The following NTN1 variants were observed in gnomAD, a reference collection of about 807,000 sequenced individuals.
The protein encoded by NTN1 is netrin-1.
NTN1 carries 11 observed loss-of-function variants against 54.2 expected under a neutral mutation model. The ratio of observed to expected loss-of-function variants is 0.20; its 90% confidence interval spans 0.13 to 0.34. The LOEUF (loss-of-function observed/expected upper bound fraction) is 0.34, where lower values mean the gene tolerates loss of function less well. NTN1 is among the 10% of genes least tolerant of loss of function. The probability of loss-of-function intolerance (pLI) is 1.00; values close to 1 mark genes in which losing one functional copy is unlikely to be tolerated. For missense variants in NTN1, 740 were observed against 893.1 expected (o/e 0.83, Z 2.18); for synonymous variants, 371 against 382.0 (o/e 0.97, Z 0.33).
At position 9,182,974 on chromosome 17, in the gene NTN1, ACGG is replaced by A. The variant is rs1245859155; in HGVS notation, c.1411+7_1411+9del. 7.5e-6 allele frequency: 12 copies of A among 1,601,822 alleles called. No homozygotes were observed. The Admixed American group carries it at 1.9e-4, about 25-fold the overall frequency. On this transcript the variant is annotated splice_donor_region_variant and intron_variant, in intron 5 of 6. Transcript: ENST00000173229. ...GCAGCGTGGAGGAGCCTGAAGGTAA[ACGG>A]CCCCCTTCGCTTCTCATTTCCCGCT...
In NTN1 at chr17:9,143,521, T is replaced by C. The variant is rs942729439; in HGVS notation, c.1019-19292T>C. On this transcript the variant is annotated intron_variant, in intron 2 of 6. Transcript: ENST00000173229. ...ATTGCCTGCTCTGTCTTCTACCTCA[T>C]GGTCAAACTGTGGCTCTCTCTCCTG... Among the ~76,000 whole-genome samples the C allele has an allele frequency of 3.3e-5, 5 of 152,214 alleles. No homozygotes were observed. In the East Asian group the frequency reaches 5.8e-4, roughly 18 times the overall value.
chr17:9,020,256 A>G (rs1186575085), upstream of NTN1, among the ~76,000 whole-genome samples: 1 of 152,258 alleles, frequency 6.6e-6, no homozygotes, highest in African/African-American at 2.4e-5. Context: ...ATCCGGGTCT[A>G]TTACTGGACC....
chr17:9,198,174 G>A (rs1381176273), intron 5 of NTN1, among the ~76,000 whole-genome samples: 1 of 152,206 alleles, frequency 6.6e-6, no homozygotes, highest in Non-Finnish European at 1.5e-5. Flanking sequence ...AGGGAAGCAC[G>A]AGAGTGCAGG....
intron 2 of NTN1, among the ~76,000 whole-genome samples, chr17:9,119,167 T>C (rs931441697): frequency 6.6e-6 from 1 of 152,132 alleles, no homozygotes; most frequent in Non-Finnish European, 1.5e-5. Context: ...TTTGTCTTTT[T>C]AAAAATGTAT....
intron 2 of NTN1, among the ~76,000 whole-genome samples, chr17:9,054,245 A>G (rs766839834): frequency 6.6e-6 from 1 of 152,210 alleles, no homozygotes; most frequent in Non-Finnish European, 1.5e-5. Flanking sequence ...GTGATTATCT[A>G]GAACAATGTG....
In NTN1 at chr17:9,239,315, A is replaced by G. The variant is rs1044626963; in HGVS notation, c.1487-325A>G. ...TCTCACCCGAGCGCCTGCCCTGGGC[A>G]GACAGCTTGCCCAGAGTGCTGGGGG... On this transcript the variant is annotated intron_variant, in intron 6 of 6. Transcript: ENST00000173229. The surrounding 1 kb of genome is among the most constrained non-coding windows in gnomAD (Gnocchi z 5.2). 3.9e-5 allele frequency among the ~76,000 whole-genome samples: 6 copies of G among 152,178 alleles called. No homozygotes were observed. The highest frequency in any genetic ancestry group is 7.4e-5 in the Non-Finnish European group (5 of 68,014).
At chr17:9,013,230 T>TG in the NTN1 span, among the ~76,000 whole-genome samples, 1 of 150,028 alleles carries the variant, frequency 6.7e-6, no homozygotes, top group Non-Finnish European at 1.5e-5. Flanking sequence ...TTTTTTTTTT[T>TG]TTTGAGACAG....
At chr17:9,040,321 A>AT (rs1437861357) in intron 2 of NTN1, among the ~76,000 whole-genome samples, 1 of 152,004 alleles carries the variant, frequency 6.6e-6, no homozygotes, top group African/African-American at 2.4e-5. Context: ...AGCATCACAC[A>AT]TTTTTTCAGA....
In NTN1 at chr17:9,105,656, C is replaced by G. The variant is rs868852349; in HGVS notation, c.1019-57157C>G. Among the ~76,000 whole-genome samples, 89 of 139,670 alleles carry G rather than the reference C, an allele frequency of 6.4e-4. 1 individual carries two copies. In the South Asian group the frequency reaches 0.013, roughly 21 times the overall value. The allele number at this position is 139,670 out of a possible 152,430, so 91.6% of individuals were successfully genotyped here. On this transcript the variant is annotated intron_variant, in intron 2 of 6. Coordinates refer to ENST00000173229, the MANE Select transcript of NTN1 (RefSeq NM_004822.3). ...TCCTTGAGATCTGTTCTGTCTCTCT[C>G]TCTTTCTCTCTCTCTCTCTCTCTCT...
At chr17:9,125,266 G>T (rs897438275) in intron 2 of NTN1, among the ~76,000 whole-genome samples, 1 of 148,876 alleles carries the variant, frequency 6.7e-6, no homozygotes, top group Non-Finnish European at 1.5e-5. Flanking sequence ...CACTCTTGTC[G>T]CCCAGGCAGG....
intron 6 of NTN1, among the ~76,000 whole-genome samples, chr17:9,224,348 C>T (rs540688230): frequency 5.3e-5 from 8 of 152,172 alleles, no homozygotes; most frequent in South Asian, 2.1e-4. Flanking sequence ...CTGTTGTGGC[C>T]GCCCTGGGCA....
At chr17:9,190,510 A>G (rs930368688) in intron 5 of NTN1, among the ~76,000 whole-genome samples, 3 of 152,234 alleles carry the variant, frequency 2.0e-5, no homozygotes, top group Non-Finnish European at 2.9e-5. Flanking sequence ...TATTTAAATG[A>G]GTGTGGTACT....
chr17:9,021,377 G>A (rs1288702619), upstream of NTN1, among the ~76,000 whole-genome samples: 1 of 152,092 alleles, frequency 6.6e-6, no homozygotes, highest in South Asian at 2.1e-4. Flanking sequence ...GGGCGTCCGG[G>A]CCGGTTCCCT....
At chr17:9,159,427 G>A (rs555454578) in intron 2 of NTN1, among the ~76,000 whole-genome samples, 1 of 152,286 alleles carries the variant, frequency 6.6e-6, no homozygotes, top group East Asian at 1.9e-4. Flanking sequence ...TGAAATAGGA[G>A]CTCTCATATC....
At chr17:9,187,272 A>G (rs2092436220) in intron 5 of NTN1, among the ~76,000 whole-genome samples, 1 of 152,092 alleles carries the variant, frequency 6.6e-6, no homozygotes, top group African/African-American at 2.4e-5. Context: ...GACCTTGGGA[A>G]GTCACAAGTT....
At chr17:9,097,465 A>C (rs1273333488) in intron 2 of NTN1, among the ~76,000 whole-genome samples, 1 of 152,186 alleles carries the variant, frequency 6.6e-6, no homozygotes, top group Non-Finnish European at 1.5e-5. Context: ...TCTACTAAAA[A>C]TACAAAAAAA....
intron 2 of NTN1, among the ~76,000 whole-genome samples, chr17:9,145,030 G>T (rs2092309423): frequency 6.6e-6 from 1 of 152,252 alleles, no homozygotes; most frequent in Non-Finnish European, 1.5e-5. Context: ...CCAGTGGCGA[G>T]GACAGTGCGC....
chr17:9,166,134 C>T (rs2092372226), intron 3 of NTN1, among the ~76,000 whole-genome samples: 2 of 149,596 alleles, frequency 1.3e-5, no homozygotes, highest in Admixed American at 6.7e-5. Flanking sequence ...ACAGGGGTCT[C>T]CTGGTCAACC....
intron 2 of NTN1, among the ~76,000 whole-genome samples, chr17:9,029,972 C>T (rs544891486): frequency 2.7e-5 from 4 of 148,254 alleles, no homozygotes; most frequent in Non-Finnish European, 5.9e-5. Flanking sequence ...AGCCTGGCAA[C>T]AGAGCGAAAC....
Sources: allele counts gnomAD v4.1 joint callset (sites outside exome capture counted in the v4.1 genomes callset), GRCh38; gene constraint gnomAD v4.1.1; non-coding constraint Gnocchi (gnomAD v3.1); transcripts MANE v1.5; gene names NCBI Gene and HGNC (gene_info 2026-07-23, HGNC 2026-07-21).